The following PRKN variants were observed in gnomAD, a reference collection of about 807,000 sequenced individuals.
PRKN encodes the protein parkin RBR E3 ubiquitin protein ligase, also known as E3 ubiquitin-protein ligase parkin.
PRKN carries 56 observed loss-of-function variants against 59.5 expected under a neutral mutation model. The observed-to-expected ratio is 0.94, with a 90% confidence interval of 0.76 to 1.18. The LOEUF is 1.18. Among genes scored for constraint, PRKN ranks in the 50% most tolerant of loss-of-function variants. PRKN has a pLI of 0.00. For synonymous variants in PRKN, 250 were observed against 222.1 expected, an observed-to-expected ratio of 1.13 and a Z score of -1.12; for missense variants, 657 against 596.4, an observed-to-expected ratio of 1.10 and a Z score of -1.06.
intron 7 of PRKN, among the ~76,000 whole-genome samples, chr6:161,666,410 G>A (rs887834735): frequency 5.9e-5 from 9 of 152,136 alleles, no homozygotes; most frequent in African/African-American, 2.2e-4. Context: ...ATCTGAGGTG[G>A]AACAGTTTCA....
At chr6:161,784,690 G>C (rs1270022545) in intron 7 of PRKN, among the ~76,000 whole-genome samples, 1 of 152,126 alleles carries the variant, frequency 6.6e-6, no homozygotes, top group Non-Finnish European at 1.5e-5. Context: ...ATATAAAACG[G>C]TACAGCAGCT....
Position 161,787,578 on chromosome 6 carries a change from C to G in PRKN, c.735-1670G>C, listed in dbSNP as rs544888005. ...GGTAGACTAAAACCTTTATAGACCT[C>G]CCAATCTGCTACTAATTCATGGAGA... On this transcript the variant is annotated intron_variant, in intron 6 of 11. Coordinates refer to ENST00000366898, the MANE Select transcript of PRKN (RefSeq NM_004562.3). Among the ~76,000 whole-genome samples, 12 of 152,328 alleles carry G rather than the reference C, an allele frequency of 7.9e-5. No homozygotes were observed. The East Asian group carries it at 2.3e-3, about 29-fold the overall frequency.
intron 1 of PRKN, among the ~76,000 whole-genome samples, chr6:162,461,137 A>T (rs1791134531): frequency 6.6e-6 from 1 of 151,932 alleles, no homozygotes; most frequent in Non-Finnish European, 1.5e-5. Context: ...AGAATTATGT[A>T]CAAGAATATG....
At chr6:162,397,771 T>C (rs1274460523) in intron 2 of PRKN, among the ~76,000 whole-genome samples, 1 of 152,164 alleles carries the variant, frequency 6.6e-6, no homozygotes, top group Non-Finnish European at 1.5e-5. Context: ...TCACAGTGGC[T>C]CATGCCTGTA....
At chr6:162,338,412 G>A (rs574733436) in intron 2 of PRKN, among the ~76,000 whole-genome samples, 9 of 152,230 alleles carry the variant, frequency 5.9e-5, no homozygotes, top group South Asian at 4.1e-4. Flanking sequence ...GCAGGCACGC[G>A]CCGCCATGCC....
chr6:161,631,359 C>G (rs546717865), intron 7 of PRKN, among the ~76,000 whole-genome samples: 1 of 152,268 alleles, frequency 6.6e-6, no homozygotes, highest in Admixed American at 6.5e-5. Flanking sequence ...CACTAGAGTA[C>G]CAGTAAATCA....
At chr6:162,108,696 G>A (rs1199167869) in intron 4 of PRKN, among the ~76,000 whole-genome samples, 5 of 152,176 alleles carry the variant, frequency 3.3e-5, no homozygotes, top group African/African-American at 4.8e-5. Context: ...GACAAAGAAC[G>A]GTGAACGGAG....
intron 7 of PRKN, among the ~76,000 whole-genome samples, chr6:161,714,093 C>T (rs544932944): frequency 1.3e-5 from 2 of 152,154 alleles, no homozygotes; most frequent in South Asian, 2.1e-4. Flanking sequence ...AACGTGAGAA[C>T]GACGGATACA....
At chr6:162,130,044 T>C (rs1781284541) in intron 4 of PRKN, among the ~76,000 whole-genome samples, 1 of 152,102 alleles carries the variant, frequency 6.6e-6, no homozygotes, top group African/African-American at 2.4e-5. Context: ...GGAAAAATAA[T>C]AAAGAACAAA....
At chr6:162,138,718 T>A (rs1781651659) in intron 4 of PRKN, among the ~76,000 whole-genome samples, 2 of 152,026 alleles carry the variant, frequency 1.3e-5, no homozygotes, top group South Asian at 4.2e-4. Flanking sequence ...AAATGTAATA[T>A]ATGGAGAGAA....
At chr6:162,536,531 C>T (rs536192751) in intron 1 of PRKN, among the ~76,000 whole-genome samples, 9 of 152,180 alleles carry the variant, frequency 5.9e-5, no homozygotes, top group East Asian at 5.8e-4. Context: ...GCATCTCCTT[C>T]GAGCCATCTT....
At chr6:161,843,363 T>C (rs570952202) in intron 6 of PRKN, among the ~76,000 whole-genome samples, 1 of 152,374 alleles carries the variant, frequency 6.6e-6, no homozygotes, top group Non-Finnish European at 1.5e-5. Flanking sequence ...ATTATTCTTA[T>C]CTGATTATTA....
chr6:162,425,802 C>A (rs991377748), intron 2 of PRKN, among the ~76,000 whole-genome samples: 3 of 152,082 alleles, frequency 2.0e-5, no homozygotes, highest in African/African-American at 7.2e-5. Flanking sequence ...GAGGAAAATG[C>A]AAAAGGAAGA....
At chr6:161,418,504 A>G (rs1230258415) in intron 9 of PRKN, among the ~76,000 whole-genome samples, 1 of 152,162 alleles carries the variant, frequency 6.6e-6, no homozygotes, top group African/African-American at 2.4e-5. Context: ...ATTCTGTATT[A>G]TTTCTGGGAT....
rs186681663 is a variant in PRKN, at chr6:162,011,376, T to G, written c.619-37959A>C. 1.4e-3 allele frequency among the ~76,000 whole-genome samples: 45 copies of G among 31,922 alleles called. 15 individuals carry two copies. The highest frequency in any genetic ancestry group is 4.5e-3 in the East Asian group (4 of 894). 20.9% of individuals were successfully genotyped at this position (31,922 alleles called of 152,430 possible). A position where few individuals can be genotyped will look rare whatever the true frequency, so the allele number is the denominator to read the frequency against. ...ATATATTTATAATATATATAATATA[T>G]TATATATTTATAATATATATTATAA... On this transcript the variant is annotated intron_variant, in intron 5 of 11. Coordinates refer to ENST00000366898, the MANE Select transcript of PRKN (RefSeq NM_004562.3).
intron 7 of PRKN, among the ~76,000 whole-genome samples, chr6:161,596,995 C>T (rs1179549901): frequency 6.6e-6 from 1 of 152,128 alleles, no homozygotes; most frequent in Non-Finnish European, 1.5e-5. Context: ...CTAGTCTTGG[C>T]CAATGAAAAG....
chr6:161,559,531 G>A (rs371061061), intron 8 of PRKN, among the ~76,000 whole-genome samples: 13 of 152,196 alleles, frequency 8.5e-5, no homozygotes, highest in African/African-American at 2.7e-4. Flanking sequence ...ATAAATGAGC[G>A]TTGCCTCTGC....
chr6:161,729,380 G>GT lies in PRKN; in HGVS notation c.871+56391dup, dbSNP rs141152450. Among the ~76,000 whole-genome samples, 300 of 151,202 alleles carry GT rather than the reference G, an allele frequency of 2.0e-3. 3 individuals are homozygous for GT. The East Asian group carries it at 0.021, about 11-fold the overall frequency. On this transcript the variant is annotated intron_variant, in intron 7 of 11. Coordinates refer to ENST00000366898, the MANE Select transcript of PRKN (RefSeq NM_004562.3). ...GAATTCTTAAAAATTAAAAATGACA[G>GT]TTTTTTTTTGCGCATGTGTGTAAAG...
chr6:161,803,038 A>C, intron 6 of PRKN, among the ~76,000 whole-genome samples: 1 of 151,940 alleles, frequency 6.6e-6, no homozygotes, highest in Non-Finnish European at 1.5e-5. Context: ...TGTGAAAGAC[A>C]CCCTCCTTGC....
Sources: allele counts gnomAD v4.1 joint callset (sites outside exome capture counted in the v4.1 genomes callset), GRCh38; gene constraint gnomAD v4.1.1; transcripts MANE v1.5; gene names NCBI Gene and HGNC (gene_info 2026-07-23, HGNC 2026-07-21).